KIF1B: variants seen among roughly 807,000 people sequenced by gnomAD.
The protein encoded by KIF1B is kinesin family member 1B.
Under a neutral mutation model 241.9 loss-of-function variants are expected in KIF1B, and 76 were observed. The ratio of observed to expected loss-of-function variants is 0.31; its 90% CI spans 0.26 to 0.38. The LOEUF (loss-of-function observed/expected upper bound fraction) is 0.38, where lower values mean the gene tolerates loss of function less well. Ranked by LOEUF, KIF1B falls within the 10% of genes least tolerant of loss-of-function variation. The pLI, the probability that KIF1B is intolerant of heterozygous loss-of-function variation, is 1.00. For synonymous variants in KIF1B, 750 were observed against 796.7 expected (o/e 0.94, Z 0.99); for missense variants, 1,622 against 2,271.4 (o/e 0.71, Z 5.81).
intron 5 of KIF1B, among the ~76,000 whole-genome samples, chr1:10,267,166 G>A (rs369151965): frequency 7.9e-5 from 12 of 152,138 alleles, no homozygotes; most frequent in African/African-American, 2.9e-4. Context: ...CTACAGGCAT[G>A]TGCCACCACG....
At chr1:10,227,938 A>C (rs1646931285) in intron 1 of KIF1B, 1 of 154,072 alleles carries the variant, frequency 6.5e-6, no homozygotes, top group Non-Finnish European at 1.5e-5. Context: ...TAATCCTAGC[A>C]CTTTGGGAGA....
At position 10,378,700 on chromosome 1, in the gene KIF1B, C is replaced by T. The variant is rs1638950516; in HGVS notation, c.*2113C>T. The T allele has an allele frequency of 7.1e-6, 3 of 424,882 alleles. No homozygotes were observed. The highest frequency in any genetic ancestry group is 1.3e-5 in the Non-Finnish European group (3 of 231,790). The allele number at this position is 424,882 out of a possible 1,614,324, so 26.3% of individuals were successfully genotyped here. A position where few individuals can be genotyped will look rare whatever the true frequency, so the allele number is the denominator to read the frequency against. ...GGGAGACTTGTGTCATCATCCACAA[C>T]CTTGTTTCTCACTTCCTGGTTGGGC... On this transcript the variant is annotated 3_prime_UTR_variant, in exon 49 of 49. Transcript: ENST00000676179.
At position 10,365,444 on chromosome 1, in the gene KIF1B, G is replaced by T. The variant is rs369417443; in HGVS notation, c.4548G>T (p.Glu1516Asp). The change falls in exon 43 of 49, where the codon GAG becomes GAT. Residue 1516 changes from glutamate to aspartate, a missense_variant. Physicochemically the swap from Glu to Asp is conservative, Grantham distance 45 (BLOSUM62 2). Transcript: ENST00000676179. The surrounding 1 kb of genome is among the most constrained non-coding windows in gnomAD (Gnocchi z 4.0). ...CCCGCCACTTTTTGCTGCTGCGTGA[G>T]AGACTTGGTGACAGCATCCCCAAAT... ...EKTRHFLLLRERLGDSIPKSL... is the reference protein window; with the variant it reads ...EKTRHFLLLRDRLGDSIPKSL... 4 of 1,614,054 alleles carry T rather than the reference G, an allele frequency of 2.5e-6. No homozygotes were observed. The highest frequency in any genetic ancestry group is 3.4e-6 in the Non-Finnish European group (4 of 1,180,046).
chr1:10,349,548 AG>A (rs1477457003), intron 37 of KIF1B, among the ~76,000 whole-genome samples: 1 of 152,228 alleles, frequency 6.6e-6, no homozygotes, highest in African/African-American at 2.4e-5. Context: ...ATGAGGACAA[AG>A]GAAAATCTGT....
chr1:10,271,503 T>C lies in KIF1B; in HGVS notation c.722T>C (p.Val241Ala). The C allele has an allele frequency of 6.2e-7, 1 of 1,611,150 alleles. No homozygotes were observed. Among genetic ancestry groups the C allele is most frequent in the Non-Finnish European group, 8.5e-7 (1 of 1,177,238 alleles). The change falls in exon 8 of 49, where the codon GTC (valine) becomes GCC (alanine). Residue 241 changes from valine to alanine, a missense_variant and splice_region_variant. By Grantham distance (64) the Val-to-Ala change is moderately conservative. Around this residue, in one of 7 missense-constraint regions of KIF1B, gnomAD observed 201 missense variants for 301.2 expected, o/e 0.67. Transcript: ENST00000676179. ...DNETNLSTEK[V>A]SKISLVDLAG... ...CCCCATGTTATTGTTCTTTATCAGG[T>C]CAGTAAAATCAGCTTGGTGGATCTA...
rs1648540037 is a variant in KIF1B at position 10,267,641 on chromosome 1, T to C, written c.608+83T>C. 18 of 1,300,726 alleles carry C rather than the reference T, an allele frequency of 1.4e-5. 1 individual carries two copies. In the South Asian group the frequency reaches 2.0e-4, roughly 15 times the overall value. 80.6% of individuals were successfully genotyped at this position (1,300,726 alleles called of 1,614,324 possible). ...TCCCAGTTAAGGGTTTGAGGCCACA[T>C]TTATAGCTATGAAAGTTGCTTTAAT... is the stretch of plus-strand genomic sequence containing the variant. On this transcript the variant is annotated intron_variant, in intron 6 of 48. Transcript: ENST00000676179.
At chr1:10,323,434 A>G (rs1485715558) in intron 24 of KIF1B, among the ~76,000 whole-genome samples, 1 of 152,166 alleles carries the variant, frequency 6.6e-6, no homozygotes, top group Non-Finnish European at 1.5e-5. Flanking sequence ...CAGCCTGGGC[A>G]ATGTGGTTAA....
intron 33 of KIF1B, among the ~76,000 whole-genome samples, chr1:10,342,455 G>A (rs1043872446): frequency 6.6e-6 from 1 of 152,174 alleles, no homozygotes; most frequent in Non-Finnish European, 1.5e-5. Context: ...CATGAAAATT[G>A]TTAAAAATTG....
chr1:10,238,381 CA>C (rs755794359), intron 2 of KIF1B, among the ~76,000 whole-genome samples: 10,199 of 87,048 alleles, frequency 0.12, 377 homozygotes, highest in Middle Eastern at 0.26. Context: ...AACTTTGTCT[CA>C]AAAAAAAAAA....
chr1:10,348,539 C>T lies in KIF1B; in HGVS notation c.3865-110C>T, dbSNP rs1652670387. 1.5e-5 allele frequency: 12 copies of T among 791,282 alleles called. 1 individual carries two copies. In the South Asian group the frequency reaches 1.7e-4, roughly 11 times the overall value. The allele number at this position is 791,282 out of a possible 1,614,324, so 49.0% of individuals were successfully genotyped here. A position where few individuals can be genotyped will look rare whatever the true frequency, so the allele number is the denominator to read the frequency against. On this transcript the variant is annotated intron_variant, in intron 36 of 48. Transcript: ENST00000676179. Reference sequence around the variant, plus strand: ...GGATAGCATTTTCCGTCTTTCCACACCTCTCCTTCCTGCTCATCCCCCATG... The same window carrying T: ...GGATAGCATTTTCCGTCTTTCCACATCTCTCCTTCCTGCTCATCCCCCATG...
At chr1:10,355,106 G>C (rs1652928403) in intron 38 of KIF1B, among the ~76,000 whole-genome samples, 1 of 152,082 alleles carries the variant, frequency 6.6e-6, no homozygotes. Flanking sequence ...CCACTGAAAG[G>C]GGTACTGATG....
At chr1:10,275,600 A>T (rs986449671) in intron 11 of KIF1B, 97 bp downstream of exon 11, 1 of 803,774 alleles carries the variant, frequency 1.2e-6, no homozygotes, top group Non-Finnish European at 2.2e-6. Flanking sequence ...AATAATCTCT[A>T]GATATTCATG....
intron 2 of KIF1B, among the ~76,000 whole-genome samples, chr1:10,248,836 A>G (rs941987171): frequency 1.3e-5 from 2 of 152,188 alleles, no homozygotes; most frequent in Non-Finnish European, 2.9e-5. Flanking sequence ...GATGGCTCCC[A>G]GATCATCTGT....
intron 22 of KIF1B, among the ~76,000 whole-genome samples, chr1:10,317,826 A>C (rs1167728466): frequency 4.3e-5 from 1 of 23,094 alleles, no homozygotes; most frequent in African/African-American, 2.6e-4. Context: ...GCGAGACTCC[A>C]CCTCAAAAAA....
chr1:10,239,568 A>G (rs1647104667), intron 2 of KIF1B, among the ~76,000 whole-genome samples: 1 of 151,954 alleles, frequency 6.6e-6, no homozygotes, highest in South Asian at 2.1e-4. Flanking sequence ...ATGTGTTCCT[A>G]GATATTGAAC....
intron 15 of KIF1B, among the ~76,000 whole-genome samples, chr1:10,290,598 C>T (rs1396122170): frequency 2.0e-5 from 3 of 151,876 alleles, no homozygotes; most frequent in African/African-American, 7.2e-5. Flanking sequence ...TCTCCTTCCT[C>T]AGCCTCCTGA....
intron 15 of KIF1B, among the ~76,000 whole-genome samples, chr1:10,284,795 G>C (rs1040506136): frequency 6.6e-6 from 1 of 152,092 alleles, no homozygotes; most frequent in Non-Finnish European, 1.5e-5. Context: ...CCAGGAGGCG[G>C]AGGTTACAGT....
intron 37 of KIF1B, among the ~76,000 whole-genome samples, chr1:10,349,044 A>G (rs1652693677): frequency 6.6e-6 from 1 of 152,196 alleles, no homozygotes; most frequent in Admixed American, 6.5e-5. Context: ...GAAACTCTGT[A>G]TTCCTGTTTC....
intron 45 of KIF1B, among the ~76,000 whole-genome samples, chr1:10,372,200 A>G (rs572801858): frequency 1.1e-4 from 17 of 152,260 alleles, no homozygotes; most frequent in Admixed American, 3.3e-4. Flanking sequence ...AGCACTGACA[A>G]CTAACTTAAG....
Sources: allele counts gnomAD v4.1 joint callset (sites outside exome capture counted in the v4.1 genomes callset), GRCh38; gene constraint gnomAD v4.1.1; regional missense constraint gnomAD v4.1.1; non-coding constraint Gnocchi (gnomAD v3.1); transcripts MANE v1.5; gene names NCBI Gene and HGNC (gene_info 2026-07-23, HGNC 2026-07-21).